TUT4: variants seen among roughly 807,000 people sequenced by gnomAD.
TUT4 encodes terminal uridylyltransferase 4.
In TUT4, 36 loss-of-function variants were observed where a neutral mutation model predicts 192.2. The observed-to-expected ratio is 0.19, with a 90% CI of 0.14 to 0.25. TUT4 has a LOEUF of 0.25. Ranked by LOEUF, TUT4 falls within the 10% of genes least tolerant of loss-of-function variation. The probability of loss-of-function intolerance (pLI) is 1.00; values close to 1 mark genes in which losing one functional copy is unlikely to be tolerated. For synonymous variants in TUT4, 618 were observed against 666.0 expected, an observed-to-expected ratio of 0.93 and a Z score of 1.11; for missense variants, 1,493 against 1,957.2, an observed-to-expected ratio of 0.76 and a Z score of 4.47.
intron 24 of TUT4, among the ~76,000 whole-genome samples, chr1:52,438,731 T>C (rs1654559361): frequency 6.6e-6 from 1 of 152,202 alleles, no homozygotes; most frequent in Non-Finnish European, 1.5e-5. Flanking sequence ...ACTCATGCTT[T>C]CTGCTATATC....
At chr1:52,510,509 G>C (rs900834146) in intron 3 of TUT4, among the ~76,000 whole-genome samples, 1 of 152,000 alleles carries the variant, frequency 6.6e-6, no homozygotes, top group Non-Finnish European at 1.5e-5. Flanking sequence ...AGTTGAGTTC[G>C]AAAAACACTC....
intron 20 of TUT4, among the ~76,000 whole-genome samples, chr1:52,449,367 C>A (rs1007375373): frequency 6.6e-6 from 1 of 152,220 alleles, no homozygotes; most frequent in Non-Finnish European, 1.5e-5. Flanking sequence ...GGCACAATCT[C>A]AGCTCACTGC....
chr1:52,443,585 C>T (rs1037029463), intron 24 of TUT4, among the ~76,000 whole-genome samples: 7 of 149,458 alleles, frequency 4.7e-5, no homozygotes, highest in Non-Finnish European at 7.5e-5. Context: ...GCAAAAACTC[C>T]GTCTCAAAAA....
At chr1:52,425,636 C>CAA in intron 28 of TUT4, 129 bp from the exon 29 acceptor site, 2 of 1,147,798 alleles carry the variant, frequency 1.7e-6, no homozygotes, top group Non-Finnish European at 2.4e-6. Context: ...CAGAGAATAC[C>CAA]AAACAAACTT....
chr1:52,444,696 A>G (rs11588238), intron 24 of TUT4, among the ~76,000 whole-genome samples: 4,165 of 150,000 alleles, frequency 0.028, 75 homozygotes, highest in South Asian at 0.059. Flanking sequence ...GGCAAGCAGA[A>G]AAATGTGAAA....
intron 4 of TUT4, among the ~76,000 whole-genome samples, chr1:52,499,274 T>C (rs1673444669): frequency 1.3e-5 from 2 of 151,392 alleles, no homozygotes; most frequent in African/African-American, 2.4e-5. Context: ...TGGCACACAA[T>C]GGTAATCCCA....
At chr1:52,543,589 T>C (rs535799847) in intron 1 of TUT4, among the ~76,000 whole-genome samples, 1 of 151,808 alleles carries the variant, frequency 6.6e-6, no homozygotes, top group South Asian at 2.1e-4. Flanking sequence ...GTTCAAGCGA[T>C]TCTCCTGCCT....
intron 7 of TUT4, among the ~76,000 whole-genome samples, chr1:52,493,243 C>CTGGCTAATTTTGTGTTTTTA (rs1553193584): frequency 3.3e-5 from 5 of 152,154 alleles, no homozygotes; most frequent in Non-Finnish European, 7.4e-5. Flanking sequence ...GCCACCACGC[C>CTGGCTAATTTTGTGTTTTTA]TGGCTAATTT....
chr1:52,490,324 T>A (rs182762924), intron 8 of TUT4, among the ~76,000 whole-genome samples: 1 of 152,080 alleles, frequency 6.6e-6, no homozygotes, highest in Admixed American at 6.5e-5. Context: ...TGGCTGATTT[T>A]TTTATTTTTT....
intron 28 of TUT4, among the ~76,000 whole-genome samples, chr1:52,425,730 T>C (rs1405592743): frequency 6.6e-6 from 1 of 152,222 alleles, no homozygotes; most frequent in African/African-American, 2.4e-5. Flanking sequence ...CAACAATATG[T>C]AATAATTGCT....
chr1:52,483,980 AAAAATAT>A (rs1163842519), intron 9 of TUT4, among the ~76,000 whole-genome samples: 1 of 152,118 alleles, frequency 6.6e-6, no homozygotes, highest in East Asian at 1.9e-4. Context: ...CTCCGTCTCT[AAAAATAT>A]ATATAATTGA....
rs532912944 is a variant in TUT4, at chr1:52,550,198, G to A, written c.-94+2733C>T. ...AATTATGTAATTATTTAGGATTCTA[G>A]AATTAAAACAATTCAGTTAGTACCC... On this transcript the variant is annotated intron_variant, in intron 1 of 29. Transcript: ENST00000257177. Among the ~76,000 whole-genome samples the A allele has an allele frequency of 2.0e-5, 3 of 152,166 alleles. No homozygotes were observed. The East Asian group carries it at 5.8e-4, about 29-fold the overall frequency.
At chr1:52,440,223 A>G (rs1655095091) in intron 24 of TUT4, among the ~76,000 whole-genome samples, 1 of 152,204 alleles carries the variant, frequency 6.6e-6, no homozygotes, top group Non-Finnish European at 1.5e-5. Flanking sequence ...TCCTGTATAT[A>G]TATTAAAAAC....
At chr1:52,553,411 G>C (rs2149833919), upstream of TUT4, 1 of 152,228 alleles carries the variant, frequency 6.6e-6, no homozygotes, top group Non-Finnish European at 1.5e-5. Flanking sequence ...AGAAGGCCGA[G>C]GTAGGAGGAT....
chr1:52,515,953 T>A lies in TUT4; in HGVS notation c.820A>T (p.Arg274Trp). 1.2e-6 allele frequency: 2 copies of A among 1,613,624 alleles called. No homozygotes were observed. Among genetic ancestry groups the A allele is most frequent in the Non-Finnish European group, 1.7e-6 (2 of 1,179,936 alleles). ...IDESALTPEQ[R>W]LGLKQAEERL... is the part of the protein sequence containing the mutation. ...TCTTCTGCTTGTTTCAACCCCAGCC[T>A]CTGCTCAGGTGTCAATGCAGATTCA... The change falls in exon 3 of 30, where the codon AGG (arginine) becomes TGG (tryptophan). Residue 274 changes from arginine to tryptophan, a missense_variant. Physicochemically the swap from Arg to Trp is moderately radical, Grantham distance 101. Coordinates refer to ENST00000257177, the MANE Select transcript of TUT4 (RefSeq NM_001009881.3).
chr1:52,473,244 T>C (rs1000576427), intron 13 of TUT4, among the ~76,000 whole-genome samples: 2 of 152,136 alleles, frequency 1.3e-5, no homozygotes, highest in African/African-American at 2.4e-5. Context: ...TTACATAGAA[T>C]GAAGAAATAC....
intron 28 of TUT4, among the ~76,000 whole-genome samples, chr1:52,427,542 G>T (rs1386253323): frequency 1.3e-5 from 2 of 152,198 alleles, no homozygotes; most frequent in East Asian, 3.8e-4. Flanking sequence ...CTATAACTCA[G>T]TGACTATCAC....
intron 20 of TUT4, among the ~76,000 whole-genome samples, chr1:52,456,536 T>C (rs929504670): frequency 1.5e-5 from 2 of 129,492 alleles, no homozygotes; most frequent in Admixed American, 7.7e-5. Flanking sequence ...TATCAAGCCA[T>C]GAAAAGACAT....
rs547273949 is a variant in TUT4 at position 52,435,603 on chromosome 1, A to T, written c.4163-138T>A. 80 of 655,858 alleles carry T rather than the reference A, an allele frequency of 1.2e-4. 1 individual carries two copies. The African/African-American group carries it at 1.4e-3, about 12-fold the overall frequency. The allele number at this position is 655,858 out of a possible 1,614,324, so 40.6% of individuals were successfully genotyped here. ...AAACTTGGACTTTTAAACCTTAAGT[A>T]TATTAACGAAGGACTTGCAGCAACT... is the stretch of plus-strand genomic sequence containing the variant. On this transcript the variant is annotated intron_variant, in intron 26 of 29. Coordinates refer to ENST00000257177, the MANE Select transcript of TUT4 (RefSeq NM_001009881.3).
Sources: allele counts gnomAD v4.1 joint callset (sites outside exome capture counted in the v4.1 genomes callset), GRCh38; gene constraint gnomAD v4.1.1; transcripts MANE v1.5; gene names NCBI Gene and HGNC (gene_info 2026-07-23, HGNC 2026-07-21).